ATF6: variants seen among roughly 807,000 people sequenced by gnomAD.
The protein encoded by ATF6 is cyclic AMP-dependent transcription factor ATF-6 alpha.
ATF6 carries 53 observed loss-of-function variants against 83.6 expected under a neutral mutation model. That is an observed-to-expected ratio of 0.63 (90% confidence interval 0.51 to 0.80). ATF6 has a LOEUF of 0.80. ATF6 is among the 30% of genes least tolerant of loss of function. ATF6 has a pLI of 0.00. For synonymous variants in ATF6, 288 were observed against 285.8 expected (o/e 1.01, Z -0.08); for missense variants, 744 against 797.9 (o/e 0.93, Z 0.81).
At chr1:161,945,153 A>G (rs1256332912) in intron 15 of ATF6, among the ~76,000 whole-genome samples, 3 of 152,252 alleles carry the variant, frequency 2.0e-5, no homozygotes, top group African/African-American at 4.8e-5. Flanking sequence ...TATGCTGCAC[A>G]TGGCTTATGA....
intron 14 of ATF6, among the ~76,000 whole-genome samples, chr1:161,892,661 G>A (rs1008234074): frequency 1.8e-4 from 25 of 137,676 alleles, no homozygotes; most frequent in African/African-American, 1.1e-4. Flanking sequence ...ATGGAGTCGC[G>A]CTCTGTCATC....
chr1:161,911,718 C>T (rs778353806), intron 14 of ATF6, among the ~76,000 whole-genome samples: 5 of 152,212 alleles, frequency 3.3e-5, no homozygotes, highest in Non-Finnish European at 5.9e-5. Flanking sequence ...GGCCTTGGCC[C>T]TGCTTCAGTC....
intron 1 of ATF6, among the ~76,000 whole-genome samples, chr1:161,770,493 T>G (rs376049700): frequency 6.6e-5 from 10 of 152,318 alleles, no homozygotes; most frequent in Admixed American, 2.0e-4. Flanking sequence ...TGCATGCACA[T>G]GGCTGCCTTC....
intron 15 of ATF6, among the ~76,000 whole-genome samples, chr1:161,916,994 A>G (rs1231846056): frequency 6.6e-6 from 1 of 152,010 alleles, no homozygotes; most frequent in Non-Finnish European, 1.5e-5. Flanking sequence ...TTCCTCCTGT[A>G]TCTCCTCAGT....
At chr1:161,795,939 G>C (rs573820516) in intron 6 of ATF6, among the ~76,000 whole-genome samples, 1 of 152,160 alleles carries the variant, frequency 6.6e-6, no homozygotes, top group African/African-American at 2.4e-5. Flanking sequence ...AATATTTAGA[G>C]TATCCCTGAT....
intron 15 of ATF6, among the ~76,000 whole-genome samples, chr1:161,942,021 G>C (rs12047679): frequency 6.6e-6 from 1 of 151,866 alleles, no homozygotes; most frequent in Non-Finnish European, 1.5e-5. Flanking sequence ...CTAAGTCATA[G>C]AACTGAAAAG....
intron 9 of ATF6, among the ~76,000 whole-genome samples, chr1:161,838,565 A>G (rs1686278090): frequency 6.6e-6 from 1 of 152,098 alleles, no homozygotes; most frequent in South Asian, 2.1e-4. Context: ...TGAGCCTGGG[A>G]TGTGGGCCAG....
Position 161,851,774 on chromosome 1 carries a change from C to T in ATF6, c.1372C>T (p.Pro458Ser). The change falls in exon 11 of 16, where the codon CCA becomes TCA. Residue 458 changes from proline to serine, a missense_variant. Transcript: ENST00000367942. ...DKALMVLTEEPLLYIPPPPCQ... is the reference protein window; with the variant it reads ...DKALMVLTEESLLYIPPPPCQ... ...AGCCCTGATGGTGCTAACTGAAGAA[C>T]CATTGCTTTACATTCCTCCACCTCC... The T allele has an allele frequency of 6.2e-7, 1 of 1,613,902 alleles. No individual in the cohort carries two copies. The highest frequency in any genetic ancestry group is 2.2e-5 in the East Asian group (1 of 44,860).
intron 14 of ATF6, among the ~76,000 whole-genome samples, chr1:161,872,674 G>T (rs1687144653): frequency 6.6e-6 from 1 of 151,246 alleles, no homozygotes; most frequent in African/African-American, 2.4e-5. Context: ...CTAAGAATGA[G>T]AAATGAAAGA....
chr1:161,945,974 C>G (rs1239987596), intron 15 of ATF6, among the ~76,000 whole-genome samples: 1 of 152,110 alleles, frequency 6.6e-6, no homozygotes, highest in Non-Finnish European at 1.5e-5. Flanking sequence ...GAGTACCTGA[C>G]TTCAGACCTA....
At chr1:161,850,359 C>T (rs1686591390) in intron 10 of ATF6, among the ~76,000 whole-genome samples, 2 of 152,028 alleles carry the variant, frequency 1.3e-5, no homozygotes, top group Non-Finnish European at 2.9e-5. Context: ...TTTCCCCCAC[C>T]TGCCTCTTTT....
rs913916785 is a variant in ATF6, at chr1:161,882,030, C to T, written c.1719+18718C>T. 2.0e-5 allele frequency among the ~76,000 whole-genome samples: 3 copies of T among 152,010 alleles called. No individual in the cohort carries two copies. The East Asian group carries it at 5.8e-4, about 29-fold the overall frequency. ...TATGATATTCAATGCTGTGTTTTCA[C>T]CTAATAGCTTTTAAAGGAAGAATTA... is the stretch of plus-strand genomic sequence containing the variant. On this transcript the variant is annotated intron_variant, in intron 14 of 15. Coordinates refer to ENST00000367942, the MANE Select transcript of ATF6 (RefSeq NM_007348.4).
intron 2 of ATF6, among the ~76,000 whole-genome samples, chr1:161,778,664 T>G (rs1023066472): frequency 1.3e-5 from 2 of 152,194 alleles, no homozygotes. Context: ...TTCTTGGTTT[T>G]TACAGATTCT....
At chr1:161,841,935 T>G (rs1280389408) in intron 9 of ATF6, among the ~76,000 whole-genome samples, 3 of 152,212 alleles carry the variant, frequency 2.0e-5, no homozygotes, top group East Asian at 3.9e-4. Flanking sequence ...TCAAAGCATT[T>G]GCCTGTTAAC....
rs759449103 is a variant in ATF6 at position 161,819,663 on chromosome 1, A to T, written c.940A>T (p.Ile314Leu). Reference sequence around the variant, plus strand: ...TGTGCTAAGGAGACAGCAACGTATGATAAAAAATCGAGAATCCGCTTGTCA... The same window carrying T: ...TGTGCTAAGGAGACAGCAACGTATGTTAAAAAATCGAGAATCCGCTTGTCA... Reference protein sequence around the residue: ...IAVLRRQQRMIKNRESACQSR... With the variant: ...IAVLRRQQRMLKNRESACQSR... The change falls in exon 8 of 16, where the codon ATA becomes TTA. Residue 314 changes from isoleucine to leucine, a missense_variant. Ile to Leu is a conservative substitution (Grantham distance 5, BLOSUM62 2). Coordinates refer to ENST00000367942, the MANE Select transcript of ATF6 (RefSeq NM_007348.4). The T allele has an allele frequency of 6.2e-6, 10 of 1,609,644 alleles. No individual in the cohort carries two copies. In the South Asian group the frequency reaches 7.8e-5, roughly 12 times the overall value.
In ATF6 at chr1:161,963,002, G is replaced by A. The variant is rs977228566; in HGVS notation, c.*4348G>A. On this transcript the variant is annotated 3_prime_UTR_variant, in exon 16 of 16. Transcript: ENST00000367942. ...AGAGAATGAAATATAAGAAATGTTC[G>A]TTCCCACCCCTAATAACATTTGGAA... is the stretch of plus-strand genomic sequence containing the variant. 5 of 152,084 alleles carry A rather than the reference G, an allele frequency of 3.3e-5. No homozygotes were observed. Among genetic ancestry groups the A allele is most frequent in the African/African-American group, 1.2e-4 (5 of 41,400 alleles). The allele number at this position is 152,084 out of a possible 1,614,324, so 9.4% of individuals were successfully genotyped here. A position where few individuals can be genotyped will look rare whatever the true frequency, so the allele number is the denominator to read the frequency against.
At chr1:161,932,691 C>T (rs1688457362) in intron 15 of ATF6, among the ~76,000 whole-genome samples, 1 of 152,156 alleles carries the variant, frequency 6.6e-6, no homozygotes, top group South Asian at 2.1e-4. Context: ...TGTTATTTCA[C>T]AGTTTCTTTG....
chr1:161,775,966 C>T (rs1291811525), intron 1 of ATF6, among the ~76,000 whole-genome samples: 5 of 151,464 alleles, frequency 3.3e-5, no homozygotes, highest in Admixed American at 1.3e-4. Context: ...TATGTGTGTA[C>T]ATATATATAT....
intron 14 of ATF6, among the ~76,000 whole-genome samples, chr1:161,892,750 C>T (rs1687584397): frequency 6.6e-6 from 1 of 151,634 alleles, no homozygotes; most frequent in Non-Finnish European, 1.5e-5. Context: ...GATTCTCCTG[C>T]CTCAGCCTTC....
Sources: gnomAD v4.1 joint callset for allele counts (sites outside exome capture counted in the v4.1 genomes callset) on GRCh38, gnomAD v4.1.1 for gene constraint, MANE v1.5 for transcripts, NCBI Gene and HGNC (gene_info 2026-07-23, HGNC 2026-07-21) for gene names.